Variants in HAPLN3 observed in about 807,000 individuals in gnomAD.
HAPLN3 encodes the protein hyaluronan and proteoglycan link protein 3, also known as extracellular link domain containing, 1.
HAPLN3 carries 28 observed loss-of-function variants against 28.1 expected under a neutral mutation model. The ratio of observed to expected loss-of-function variants is 1.00; its 90% CI spans 0.74 to 1.37. The LOEUF is 1.37. Ranked by LOEUF, HAPLN3 falls within the 40% of genes most tolerant of loss-of-function variation. The probability of loss-of-function intolerance (pLI) is 0.00; values close to 1 mark genes in which losing one functional copy is unlikely to be tolerated. For missense variants in HAPLN3, 513 were observed against 504.6 expected, an observed-to-expected ratio of 1.02 and a Z score of -0.16; for synonymous variants, 211 against 213.1, an observed-to-expected ratio of 0.99 and a Z score of 0.09.
intron 1 of HAPLN3, among the ~76,000 whole-genome samples, chr15:88,890,292 C>T (rs1048469055): frequency 6.6e-6 from 1 of 152,184 alleles, no homozygotes; most frequent in Non-Finnish European, 1.5e-5. Context: ...AACTCTGAAA[C>T]CCCACTTCTT....
Position 88,880,424 on chromosome 15 carries a change from G to T in HAPLN3, c.493+933C>A. 1 of 1,181,782 alleles carries T rather than the reference G, an allele frequency of 8.5e-7. No individual in the cohort carries two copies. The highest frequency in any genetic ancestry group is 1.1e-6 in the Non-Finnish European group (1 of 935,704). 73.2% of individuals were successfully genotyped at this position (1,181,782 alleles called of 1,614,324 possible). On this transcript the variant is annotated intron_variant, in intron 3 of 4. Transcript: ENST00000359595. This position sits in a 1 kb window ranked among gnomAD's most constrained non-coding sequence, Gnocchi z 6.0. ...ACATCTTATCCTCATTGCCTCTGAGGGAGGTAAAGGAGGAAAGATTGTGAT... is the reference window on the plus strand; with the variant it reads ...ACATCTTATCCTCATTGCCTCTGAGTGAGGTAAAGGAGGAAAGATTGTGAT...
intron 2 of HAPLN3, among the ~76,000 whole-genome samples, chr15:88,885,231 A>G (rs1897817431): frequency 6.6e-6 from 1 of 152,200 alleles, no homozygotes; most frequent in African/African-American, 2.4e-5. Flanking sequence ...GCTATTACTG[A>G]GACCAGCCAT....
rs2141677175 is a variant in HAPLN3, at chr15:88,892,853, A to G, written c.-48+2606T>C. ...TCTCTGACCATCCCTGACCACTACC[A>G]CTGAGGGGAGGGATGGGTAGCCTCT... On this transcript the variant is annotated intron_variant, in intron 1 of 4. Coordinates refer to ENST00000359595, the MANE Select transcript of HAPLN3 (RefSeq NM_178232.4). 3.6e-6 allele frequency: 4 copies of G among 1,108,514 alleles called. No homozygotes were observed. The East Asian group carries it at 1.0e-4, about 29-fold the overall frequency. 68.7% of individuals were successfully genotyped at this position (1,108,514 alleles called of 1,614,324 possible). A position where few individuals can be genotyped will look rare whatever the true frequency, so the allele number is the denominator to read the frequency against.
At chr15:88,878,395 T>C in intron 4 of HAPLN3, 139 bp from the exon 5 acceptor site, 1 of 768,100 alleles carries the variant, frequency 1.3e-6, no homozygotes, top group Admixed American at 2.8e-5. Context: ...GAGAACACTT[T>C]CTAATCTTCA....
chr15:88,877,496 C>T lies in HAPLN3; in HGVS notation c.*474G>A, dbSNP rs929111666. On this transcript the variant is annotated 3_prime_UTR_variant, in exon 5 of 5. Transcript: ENST00000359595. The surrounding 1 kb of genome is among the most constrained non-coding windows in gnomAD (Gnocchi z 5.1). Reference sequence around the variant, plus strand: ...GAACTGGCTTCCAGCCCTAGCCCCTCAGTGGGCAGACTGGGGTCAGCGGCT... The same window carrying T: ...GAACTGGCTTCCAGCCCTAGCCCCTTAGTGGGCAGACTGGGGTCAGCGGCT... 1 of 154,842 alleles carries T rather than the reference C, an allele frequency of 6.5e-6. No individual in the cohort carries two copies. Among genetic ancestry groups the T allele is most frequent in the African/African-American group, 2.4e-5 (1 of 41,510 alleles). The allele number at this position is 154,842 out of a possible 1,614,324, so 9.6% of individuals were successfully genotyped here.
At chr15:88,883,390 T>C (rs886422396) in intron 2 of HAPLN3, among the ~76,000 whole-genome samples, 1 of 152,212 alleles carries the variant, frequency 6.6e-6, no homozygotes, top group African/African-American at 2.4e-5. Context: ...AGCTGTGTAA[T>C]CCAGGGAAGT....
Position 88,887,305 on chromosome 15 carries a change from A to G in HAPLN3, c.-7T>C. On this transcript the variant is annotated 5_prime_UTR_variant, in exon 2 of 5. The change abolishes an upstream ATG in the 5' untranslated region. Coordinates refer to ENST00000359595, the MANE Select transcript of HAPLN3 (RefSeq NM_178232.4). ...CCAGGAGCAACAGGCCCATCTCCTC[A>G]TGCCAGGGTGACCCGGGCCAGGCTG... is the stretch of plus-strand genomic sequence containing the variant. The G allele has an allele frequency of 1.2e-6, 2 of 1,613,926 alleles. 1 individual carries two copies. Among genetic ancestry groups the G allele is most frequent in the South Asian group, 2.2e-5 (2 of 91,076 alleles).
chr15:88,878,546 G>A (rs188669939), intron 4 of HAPLN3, among the ~76,000 whole-genome samples: 5 of 152,258 alleles, frequency 3.3e-5, no homozygotes, highest in Non-Finnish European at 5.9e-5. Flanking sequence ...TTGCCCATTC[G>A]GTCATTTACT....
intron 1 of HAPLN3, among the ~76,000 whole-genome samples, chr15:88,891,831 AAG>A (rs898741425): frequency 6.6e-6 from 1 of 152,120 alleles, no homozygotes; most frequent in Admixed American, 6.6e-5. Context: ...AAACCCTTGT[AAG>A]AGTTCGTTTC....
rs949447334 is a variant in HAPLN3 at position 88,881,794 on chromosome 15, A to C, written c.125-69T>G. ...TCTGTACCCCTGCAAGGGCCACCGCACACCCTCATCCACGGCTCCTACAGG... is the reference window on the plus strand; with the variant it reads ...TCTGTACCCCTGCAAGGGCCACCGCCCACCCTCATCCACGGCTCCTACAGG... On this transcript the variant is annotated intron_variant, in intron 2 of 4. Coordinates refer to ENST00000359595, the MANE Select transcript of HAPLN3 (RefSeq NM_178232.4). This position sits in a 1 kb window ranked among gnomAD's most constrained non-coding sequence, Gnocchi z 6.0. The C allele has an allele frequency of 1.1e-5, 16 of 1,516,808 alleles. No homozygotes were observed. In the African/African-American group the frequency reaches 2.1e-4, roughly 20 times the overall value. The allele number at this position is 1,516,808 out of a possible 1,614,324, so 94.0% of individuals were successfully genotyped here. A position where few individuals can be genotyped will look rare whatever the true frequency, so the allele number is the denominator to read the frequency against.
At position 88,879,217 on chromosome 15, in the gene HAPLN3, G is replaced by A. The variant is rs138662474; in HGVS notation, c.546C>T (p.His182=). 2,380 of 1,611,782 alleles carry A rather than the reference G, an allele frequency of 1.5e-3. 38 individuals carry two copies. The South Asian group carries it at 0.024, about 16-fold the overall frequency. The change falls in exon 4 of 5, where the codon CAC becomes CAT. Residue 182 remains histidine, a synonymous_variant. Transcript: ENST00000359595. The surrounding 1 kb of genome is among the most constrained non-coding windows in gnomAD (Gnocchi z 5.0). ...SPNGRYQFNF[H]EGQQVCAEQA... is the part of the protein sequence containing the mutation. ...GCTCTGCACAGACCTGCTGGCCCTCGTGGAAGTTGAACTGGTAGCGCCCGT... is the reference window on the plus strand; with the variant it reads ...GCTCTGCACAGACCTGCTGGCCCTCATGGAAGTTGAACTGGTAGCGCCCGT...
In HAPLN3 at chr15:88,888,258, AT is replaced by A. The variant is rs1897921002; in HGVS notation, c.-47-914del. On this transcript the variant is annotated intron_variant, in intron 1 of 4. Transcript: ENST00000359595. The surrounding 1 kb of genome is among the most constrained non-coding windows in gnomAD (Gnocchi z 4.1). ...AGGTGCGTGCCACCAAGCTCAGCTA[AT>A]TTTTTGTAATTTTAGTACAGACGGG... 6.6e-6 allele frequency among the ~76,000 whole-genome samples: 1 copy of A among 151,868 alleles called. No individual in the cohort carries two copies. Among genetic ancestry groups the A allele is most frequent in the Admixed American group, 6.6e-5 (1 of 15,246 alleles).
Position 88,892,780 on chromosome 15 carries a change from A to G in HAPLN3, c.-48+2679T>C, listed in dbSNP as rs555379751. Among the ~76,000 whole-genome samples, 5 of 152,216 alleles carry G rather than the reference A, an allele frequency of 3.3e-5. No homozygotes were observed. The East Asian group carries it at 9.7e-4, about 29-fold the overall frequency. ...TGCACAGGACAGAGTCCTGTGTGGG[A>G]GTCAGGAGTGGCAATTGCCACTTGG... is the stretch of plus-strand genomic sequence containing the variant. On this transcript the variant is annotated intron_variant, in intron 1 of 4. Transcript: ENST00000359595.
intron 2 of HAPLN3, among the ~76,000 whole-genome samples, chr15:88,886,590 C>T (rs1897861876): frequency 6.6e-6 from 1 of 151,252 alleles, no homozygotes; most frequent in South Asian, 2.1e-4. Context: ...TTTGGGAGGT[C>T]GAGGCAGGTG....
Position 88,878,161 on chromosome 15 carries a change from G to C in HAPLN3, c.892C>G (p.Gln298Glu). The change falls in exon 5 of 5, where the codon CAG (glutamine) becomes GAG (glutamate). Residue 298 changes from glutamine to glutamate, a missense_variant. Gln to Glu is a conservative substitution (Grantham distance 29). Transcript: ENST00000359595. Reference protein sequence around the residue: ...EDDATIAKVGQLFAAWKFHGL... With the variant: ...EDDATIAKVGELFAAWKFHGL... ...TGGAACTTCCAGGCGGCAAAGAGCT[G>C]TCCCACCTTGGCGATCGTGGCATCA... is the stretch of plus-strand genomic sequence containing the variant. The C allele has an allele frequency of 6.2e-7, 1 of 1,614,168 alleles. No individual in the cohort carries two copies.
chr15:88,886,587 G>A (rs899570136), intron 2 of HAPLN3, among the ~76,000 whole-genome samples: 1 of 151,964 alleles, frequency 6.6e-6, no homozygotes, highest in Non-Finnish European at 1.5e-5. Context: ...CAATTTGGGA[G>A]GTCGAGGCAG....
Position 88,879,633 on chromosome 15 carries a change from C to A in HAPLN3, c.494-364G>T. The A allele has an allele frequency of 8.0e-7, 1 of 1,251,770 alleles. No homozygotes were observed. Among genetic ancestry groups the A allele is most frequent in the South Asian group, 1.5e-5 (1 of 67,728 alleles). The allele number at this position is 1,251,770 out of a possible 1,614,324, so 77.5% of individuals were successfully genotyped here. A position where few individuals can be genotyped will look rare whatever the true frequency, so the allele number is the denominator to read the frequency against. ...TCTAGGGGCCAGGTTTGACTCCCAG[C>A]TCCCCACTCGTTAGCTGGGACCCGA... On this transcript the variant is annotated intron_variant, in intron 3 of 4. Transcript: ENST00000359595. The surrounding 1 kb of genome is among the most constrained non-coding windows in gnomAD (Gnocchi z 5.0).
chr15:88,877,715 CG>C lies in HAPLN3; in HGVS notation c.*254del. ...AAGGGAGGGAGACCAGCCTGGATGG[CG>C]GGGAACCCTCCAGAAGCCCACAAAA... On this transcript the variant is annotated 3_prime_UTR_variant, in exon 5 of 5. Coordinates refer to ENST00000359595, the MANE Select transcript of HAPLN3 (RefSeq NM_178232.4). The surrounding 1 kb of genome is among the most constrained non-coding windows in gnomAD (Gnocchi z 5.1). 2.2e-6 allele frequency: 1 copy of C among 460,330 alleles called. No individual in the cohort carries two copies. Among genetic ancestry groups the C allele is most frequent in the Non-Finnish European group, 3.8e-6 (1 of 261,186 alleles). 28.5% of individuals were successfully genotyped at this position (460,330 alleles called of 1,614,324 possible). A position where few individuals can be genotyped will look rare whatever the true frequency, so the allele number is the denominator to read the frequency against.
rs1351285603 is a variant in HAPLN3, at chr15:88,878,953, GCTATTC to G, written c.796+8_796+13del. The G allele has an allele frequency of 5.0e-6, 8 of 1,598,192 alleles. No homozygotes were observed. Among genetic ancestry groups the G allele is most frequent in the Non-Finnish European group, 6.8e-6 (8 of 1,172,912 alleles). On this transcript the variant is annotated splice_region_variant and intron_variant, in intron 4 of 4. Coordinates refer to ENST00000359595, the MANE Select transcript of HAPLN3 (RefSeq NM_178232.4). ...CACCAAACCCACAGGCCCGCGCTTG[GCTATTC>G]CACTCACCCTTGAGGGCAGTAGCGA...
Sources: allele counts gnomAD v4.1 joint callset (sites outside exome capture counted in the v4.1 genomes callset), GRCh38; gene constraint gnomAD v4.1.1; non-coding constraint Gnocchi (gnomAD v3.1); transcripts MANE v1.5; gene names NCBI Gene and HGNC (gene_info 2026-07-23, HGNC 2026-07-21).